The following PITPNM2 variants were observed in gnomAD, a reference collection of about 807,000 sequenced individuals.
PITPNM2 encodes the protein phosphatidylinositol transfer protein membrane associated 2.
PITPNM2 carries 35 observed loss-of-function variants against 132.2 expected under a neutral mutation model. The ratio of observed to expected loss-of-function variants is 0.26; its 90% CI spans 0.20 to 0.35. PITPNM2 has a LOEUF of 0.35. Ranked by LOEUF, PITPNM2 falls within the 10% of genes least tolerant of loss-of-function variation. The pLI, the probability that PITPNM2 is intolerant of heterozygous loss-of-function variation, is 1.00. For synonymous variants in PITPNM2, 738 were observed against 799.2 expected (o/e 0.92, Z 1.29); for missense variants, 1,332 against 1,912.0 (o/e 0.70, Z 5.66).
intron 1 of PITPNM2, among the ~76,000 whole-genome samples, chr12:123,125,581 A>T (rs945177260): frequency 6.6e-6 from 1 of 152,022 alleles, no homozygotes; most frequent in Non-Finnish European, 1.5e-5. Context: ...GCTGTGGCTC[A>T]CGCCTGTAAT....
rs960222542 is a variant in PITPNM2 at position 123,031,325 on chromosome 12, T to C, written c.78+3188A>G. ...CACGACCTATGGGCCTGGCAATATC[T>C]TGGAGCTCATTTTGTTGGAGCTCGG... On this transcript the variant is annotated intron_variant, in intron 3 of 25. Coordinates refer to ENST00000320201, the MANE Select transcript of PITPNM2 (RefSeq NM_020845.3). The surrounding 1 kb of genome is among the most constrained non-coding windows in gnomAD (Gnocchi z 4.5). Among the ~76,000 whole-genome samples, 1 of 152,190 alleles carries C rather than the reference T, an allele frequency of 6.6e-6. No homozygotes were observed. Among genetic ancestry groups the C allele is most frequent in the Admixed American group, 6.5e-5 (1 of 15,286 alleles).
At position 123,036,488 on chromosome 12, in the gene PITPNM2, AGCCT is replaced by A. The variant is rs781168204; in HGVS notation, c.-95-1807_-95-1804del. ...CTTGAGGTCAAGCAAGCTCAAGACC[AGCCT>A]GGGAAACATAGCAAGACCCTCCTCT... On this transcript the variant is annotated intron_variant, in intron 2 of 25. Coordinates refer to ENST00000320201, the MANE Select transcript of PITPNM2 (RefSeq NM_020845.3). This position sits in a 1 kb window ranked among gnomAD's most constrained non-coding sequence, Gnocchi z 4.1. Among the ~76,000 whole-genome samples, 18 of 152,224 alleles carry A rather than the reference AGCCT, an allele frequency of 1.2e-4. No individual in the cohort carries two copies. The highest frequency in any genetic ancestry group is 2.4e-4 in the Non-Finnish European group (16 of 68,032).
Position 123,009,225 on chromosome 12 carries a change from A to C in PITPNM2, c.643+625T>G, listed in dbSNP as rs117992630. ...GACCGGAACCAGCTCTTGGAATGAC[A>C]TCATGCTATGACCTCGGCAGAGGGG... is the stretch of plus-strand genomic sequence containing the variant. On this transcript the variant is annotated intron_variant, in intron 6 of 25. Coordinates refer to ENST00000320201, the MANE Select transcript of PITPNM2 (RefSeq NM_020845.3). The surrounding 1 kb of genome is among the most constrained non-coding windows in gnomAD (Gnocchi z 4.8). Among the ~76,000 whole-genome samples, 1 of 152,306 alleles carries C rather than the reference A, an allele frequency of 6.6e-6. No homozygotes were observed. The highest frequency in any genetic ancestry group is 2.1e-4 in the South Asian group (1 of 4,830).
At chr12:122,995,777 G>C in intron 13 of PITPNM2, 117 bp from the exon 14 acceptor site, 5 of 1,368,032 alleles carry the variant, frequency 3.7e-6, no homozygotes, top group Non-Finnish European at 4.8e-6. Context: ...CTGTCCAGCC[G>C]GCCTCTTGCC....
At chr12:123,038,800 T>A (rs1043330260) in intron 2 of PITPNM2, among the ~76,000 whole-genome samples, 1 of 151,638 alleles carries the variant, frequency 6.6e-6, no homozygotes, top group African/African-American at 2.4e-5. Flanking sequence ...CTTAAAGTCA[T>A]CTAAAAAATA....
chr12:123,035,670 A>G (rs2040244040), intron 2 of PITPNM2, among the ~76,000 whole-genome samples: 1 of 151,914 alleles, frequency 6.6e-6, no homozygotes, highest in South Asian at 2.1e-4. Flanking sequence ...CCGTCTCAAA[A>G]AAAAAAACAA....
At chr12:123,146,286 C>T (rs1339130792) in intron 1 of PITPNM2, among the ~76,000 whole-genome samples, 2 of 152,130 alleles carry the variant, frequency 1.3e-5, no homozygotes, top group Non-Finnish European at 2.9e-5. Context: ...CAAACCTGTG[C>T]TTGTACCCCT....
intron 2 of PITPNM2, among the ~76,000 whole-genome samples, chr12:123,043,390 AC>A (rs1043504325): frequency 2.6e-5 from 4 of 151,488 alleles, no homozygotes; most frequent in Admixed American, 2.6e-4. Context: ...TCCTACCCCC[AC>A]CCCCCACAGA....
chr12:123,146,449 C>T (rs1159309904), intron 1 of PITPNM2, among the ~76,000 whole-genome samples: 1 of 151,874 alleles, frequency 6.6e-6, no homozygotes. Context: ...CAAAAATTAG[C>T]CCGGTGTGGT....
chr12:123,102,265 G>T (rs1160363362), intron 2 of PITPNM2, among the ~76,000 whole-genome samples: 1 of 152,242 alleles, frequency 6.6e-6, no homozygotes, highest in Non-Finnish European at 1.5e-5. Flanking sequence ...CTTAAGGGCA[G>T]AGAGCTTGCC....
At chr12:123,034,731 G>A in intron 2 of PITPNM2, 46 bp from the exon 3 acceptor site, 1 of 707,684 alleles carries the variant, frequency 1.4e-6, no homozygotes, top group Non-Finnish European at 2.5e-6. Context: ...TTCTGCAAAG[G>A]CTGGTGAATA....
chr12:123,099,558 C>T lies in PITPNM2; in HGVS notation c.-96+10827G>A, dbSNP rs547116789. Among the ~76,000 whole-genome samples the T allele has an allele frequency of 2.6e-5, 4 of 152,286 alleles. No homozygotes were observed. The highest frequency in any genetic ancestry group is 9.6e-5 in the African/African-American group (4 of 41,548). On this transcript the variant is annotated intron_variant, in intron 2 of 25. Coordinates refer to ENST00000320201, the MANE Select transcript of PITPNM2 (RefSeq NM_020845.3). This position sits in a 1 kb window ranked among gnomAD's most constrained non-coding sequence, Gnocchi z 4.2. ...TGAACATCATCTCCTTCCACATGGC[C>T]GATCATAGAGCAGGAGCCCAGTGCA...
intron 1 of PITPNM2, among the ~76,000 whole-genome samples, chr12:123,127,478 G>C (rs1593029685): frequency 6.6e-6 from 1 of 152,126 alleles, no homozygotes. Context: ...TTTGCAACAG[G>C]CTGCCATACT....
At chr12:123,028,132 C>T (rs1351769255) in intron 3 of PITPNM2, among the ~76,000 whole-genome samples, 1 of 152,194 alleles carries the variant, frequency 6.6e-6, no homozygotes, top group Non-Finnish European at 1.5e-5. Context: ...TGAAAGCAGC[C>T]GCTCCCAGGG....
chr12:123,132,482 A>G (rs2043287211), intron 1 of PITPNM2, among the ~76,000 whole-genome samples: 1 of 151,718 alleles, frequency 6.6e-6, no homozygotes. Flanking sequence ...ACAAGCCTGA[A>G]ATTTTTGTTT....
chr12:123,069,041 C>T (rs2041538642), intron 2 of PITPNM2, among the ~76,000 whole-genome samples: 1 of 152,032 alleles, frequency 6.6e-6, no homozygotes, highest in African/African-American at 2.4e-5. Context: ...TTGCTTGAGA[C>T]CAGGAGTTTG....
intron 21 of PITPNM2, 33 bp downstream of exon 21, chr12:122,987,752 C>G: frequency 6.2e-7 from 1 of 1,613,442 alleles, no homozygotes; most frequent in Non-Finnish European, 8.5e-7. Context: ...CCCCAAAGTC[C>G]CTCCATGTTA....
chr12:123,029,985 C>CAGACAGACACCCACAAAGAGGTGGA (rs1273150779), intron 3 of PITPNM2, among the ~76,000 whole-genome samples: 1 of 82,818 alleles, frequency 1.2e-5, no homozygotes, highest in East Asian at 1.2e-3. Context: ...CAGCAGGAAG[C>CAGACAGACACCCACAAAGAGGTGGA]AGACAGACAC....
intron 1 of PITPNM2, among the ~76,000 whole-genome samples, chr12:123,131,336 C>T (rs1451227899): frequency 6.6e-6 from 1 of 152,126 alleles, no homozygotes; most frequent in Non-Finnish European, 1.5e-5. Context: ...GTCTTCAAGT[C>T]AAGGAATGCC....
Sources: gnomAD v4.1 joint callset for allele counts (sites outside exome capture counted in the v4.1 genomes callset) on GRCh38, gnomAD v4.1.1 for gene constraint, Gnocchi (gnomAD v3.1) non-coding constraint, MANE v1.5 for transcripts, NCBI Gene and HGNC (gene_info 2026-07-23, HGNC 2026-07-21) for gene names.